CDH18: variants seen among roughly 807,000 people sequenced by gnomAD.
CDH18 encodes cadherin-18.
Under a neutral mutation model 67.9 loss-of-function variants are expected in CDH18, and 31 were observed. That is an observed-to-expected ratio of 0.46 (90% CI 0.34 to 0.62). CDH18 has a LOEUF of 0.62. Ranked by LOEUF, CDH18 falls within the 20% of genes least tolerant of loss-of-function variation. The pLI, the probability that CDH18 is intolerant of heterozygous loss-of-function variation, is 0.01. For missense variants in CDH18, 890 were observed against 975.5 expected (o/e 0.91, Z 1.17); for synonymous variants, 362 against 347.2 (o/e 1.04, Z -0.48).
intron 3 of CDH18, among the ~76,000 whole-genome samples, chr5:19,831,777 T>C (rs1302729741): frequency 6.6e-6 from 1 of 151,930 alleles, no homozygotes; most frequent in Non-Finnish European, 1.5e-5. Flanking sequence ...CAAAATAAAT[T>C]GTTCTAACAA....
intron 5 of CDH18, among the ~76,000 whole-genome samples, chr5:19,709,965 T>C (rs896507499): frequency 3.9e-5 from 6 of 152,088 alleles, no homozygotes; most frequent in Admixed American, 3.9e-4. Context: ...TGAAACCCTG[T>C]CTCTACTAAA....
At chr5:20,518,183 A>G (rs1456270652) in intron 1 of CDH18, among the ~76,000 whole-genome samples, 1 of 152,088 alleles carries the variant, frequency 6.6e-6, no homozygotes, top group Non-Finnish European at 1.5e-5. Context: ...TCAATGAGAC[A>G]ATATCTGTCA....
At chr5:20,300,234 G>C (rs1054687563) in intron 1 of CDH18, among the ~76,000 whole-genome samples, 1 of 151,818 alleles carries the variant, frequency 6.6e-6, no homozygotes, top group Non-Finnish European at 1.5e-5. Context: ...TGCTCAAACT[G>C]AATATATAAC....
chr5:19,905,079 G>T (rs1790391424), intron 2 of CDH18, among the ~76,000 whole-genome samples: 1 of 152,136 alleles, frequency 6.6e-6, no homozygotes, highest in South Asian at 2.1e-4. Flanking sequence ...GAAAGGTGGG[G>T]CTAGAGTAAG....
intron 1 of CDH18, among the ~76,000 whole-genome samples, chr5:20,267,288 C>T (rs527275090): frequency 1.3e-5 from 2 of 152,162 alleles, no homozygotes; most frequent in South Asian, 2.1e-4. Context: ...TTCCATTTTT[C>T]TATGTGTTTA....
chr5:20,354,383 A>T (rs1364784995), intron 1 of CDH18, among the ~76,000 whole-genome samples: 2 of 152,288 alleles, frequency 1.3e-5, no homozygotes, highest in Non-Finnish European at 2.9e-5. Flanking sequence ...ATGTAACATG[A>T]CATTTTATGC....
rs1177113815 is a variant in CDH18 at position 20,553,108 on chromosome 5, TTTAA to T, written c.-580+22350_-580+22353del. Among the ~76,000 whole-genome samples, 3 of 152,250 alleles carry T rather than the reference TTTAA, an allele frequency of 2.0e-5. No homozygotes were observed. In the East Asian group the frequency reaches 5.8e-4, roughly 29 times the overall value. On this transcript the variant is annotated intron_variant, in intron 1 of 14. Coordinates refer to the CDH18 transcript ENST00000507958. ...TTGTCCAAGTTTTCTAAAAATAAATTTTAATTGTTAATATATTTTTATTTTAGAA... is the reference window on the plus strand; with the variant it reads ...TTGTCCAAGTTTTCTAAAAATAAATTTTGTTAATATATTTTTATTTTAGAA...
chr5:19,741,265 A>G (rs972402632), intron 4 of CDH18, among the ~76,000 whole-genome samples: 27 of 127,678 alleles, frequency 2.1e-4, no homozygotes, highest in African/African-American at 6.5e-4. Flanking sequence ...ATGTATACAT[A>G]TATACATATA....
At chr5:20,017,988 G>C (rs1326701089) in intron 2 of CDH18, among the ~76,000 whole-genome samples, 1 of 152,192 alleles carries the variant, frequency 6.6e-6, no homozygotes, top group Non-Finnish European at 1.5e-5. Context: ...GCATGCATGA[G>C]AGAGATTGGG....
At chr5:20,340,168 C>T (rs1283685610) in intron 1 of CDH18, among the ~76,000 whole-genome samples, 1 of 152,140 alleles carries the variant, frequency 6.6e-6, no homozygotes, top group African/African-American at 2.4e-5. Flanking sequence ...CTGAGAAAAG[C>T]TTTAATAAAA....
upstream of CDH18, among the ~76,000 whole-genome samples, chr5:19,990,440 G>C (rs931170632): frequency 2.6e-5 from 4 of 152,170 alleles, no homozygotes; most frequent in Admixed American, 6.5e-5. Flanking sequence ...ACTGTAATAA[G>C]TGCATCCAGT....
chr5:19,662,436 T>A (rs1004679104), intron 5 of CDH18, among the ~76,000 whole-genome samples: 1 of 152,052 alleles, frequency 6.6e-6, no homozygotes, highest in African/African-American at 2.4e-5. Context: ...AATATAACCA[T>A]ACAAAAATTC....
chr5:19,656,741 A>T (rs1482826215), intron 5 of CDH18, among the ~76,000 whole-genome samples: 1 of 152,138 alleles, frequency 6.6e-6, no homozygotes, highest in Non-Finnish European at 1.5e-5. Context: ...TTTGATGTTT[A>T]TACATAGAGT....
At chr5:20,054,740 T>C (rs151179055) in intron 2 of CDH18, among the ~76,000 whole-genome samples, 3 of 152,206 alleles carry the variant, frequency 2.0e-5, no homozygotes, top group African/African-American at 7.2e-5. Flanking sequence ...GTCTCTCAAT[T>C]TTTTAGTTAC....
chr5:20,088,477 A>G (rs1388828478), intron 2 of CDH18, among the ~76,000 whole-genome samples: 1 of 152,186 alleles, frequency 6.6e-6, no homozygotes, highest in African/African-American at 2.4e-5. Context: ...GGAATACAGA[A>G]TATTTCTTTT....
At chr5:20,275,147 T>C (rs1320704837) in intron 1 of CDH18, among the ~76,000 whole-genome samples, 2 of 152,074 alleles carry the variant, frequency 1.3e-5, no homozygotes, top group South Asian at 4.1e-4. Context: ...AGATTATATA[T>C]CCACTTGATA....
At chr5:19,937,790 T>G (rs1794432262) in intron 2 of CDH18, among the ~76,000 whole-genome samples, 1 of 150,472 alleles carries the variant, frequency 6.6e-6, no homozygotes, top group Non-Finnish European at 1.5e-5. Flanking sequence ...ATTTCAGCAG[T>G]TATATATATA....
chr5:20,352,554 G>A (rs1420111582), intron 1 of CDH18, among the ~76,000 whole-genome samples: 2 of 151,056 alleles, frequency 1.3e-5, no homozygotes, highest in Non-Finnish European at 2.9e-5. Flanking sequence ...GTCCAGGTGG[G>A]CGGATCAAGA....
chr5:19,718,769 C>G (rs1196994887), intron 5 of CDH18, among the ~76,000 whole-genome samples: 2 of 151,888 alleles, frequency 1.3e-5, no homozygotes, highest in Non-Finnish European at 2.9e-5. Context: ...GAGGCATGTA[C>G]TTTATTCAAT....
Sources: gnomAD v4.1 joint callset for allele counts (sites outside exome capture counted in the v4.1 genomes callset) on GRCh38, gnomAD v4.1.1 for gene constraint, MANE v1.5 for transcripts, NCBI Gene and HGNC (gene_info 2026-07-23, HGNC 2026-07-21) for gene names.